Variants in TSPEAR observed in about 807,000 individuals in gnomAD.
The protein encoded by TSPEAR is thrombospondin-type laminin G domain and EAR repeat-containing protein.
Under a neutral mutation model 71.6 loss-of-function variants are expected in TSPEAR, and 69 were observed. The observed-to-expected ratio is 0.96, with a 90% CI of 0.79 to 1.18. The LOEUF is 1.18. Among genes scored for constraint, TSPEAR ranks in the 50% most tolerant of loss-of-function variants. The pLI, the probability that TSPEAR is intolerant of heterozygous loss-of-function variation, is 0.00. For missense variants in TSPEAR, 971 were observed against 894.9 expected (o/e 1.09, Z -1.09); for synonymous variants, 402 against 387.2 (o/e 1.04, Z -0.45).
chr21:44,539,259 CG>C, intron 2 of TSPEAR: 1 of 1,590,910 alleles, frequency 6.3e-7, no homozygotes, highest in East Asian at 2.2e-5. Context: ...TGGCCCAGGG[CG>C]GGTGCCCATC....
At chr21:44,601,077 G>A (rs781844967) in intron 1 of TSPEAR, 17 of 1,609,806 alleles carry the variant, frequency 1.1e-5, no homozygotes, top group East Asian at 4.5e-5. Context: ...CCCCCTGCCA[G>A]CAGGCCTGCT....
chr21:44,614,462 C>T (rs587653313), intron 1 of TSPEAR, among the ~76,000 whole-genome samples: 1 of 152,344 alleles, frequency 6.6e-6, no homozygotes, highest in Admixed American at 6.5e-5. Context: ...CTCTGCCATT[C>T]GTGAGTGACC....
intron 1 of TSPEAR, among the ~76,000 whole-genome samples, chr21:44,635,366 A>G (rs989264363): frequency 2.7e-4 from 40 of 148,084 alleles, no homozygotes; most frequent in Non-Finnish European, 4.5e-4. Flanking sequence ...AAAAAAAAAA[A>G]GAATGTTTAT....
chr21:44,522,646 A>G lies in TSPEAR; in HGVS notation c.1337-534T>C, dbSNP rs112334907. On this transcript the variant is annotated intron_variant, in intron 8 of 11. Transcript: ENST00000323084. Reference sequence around the variant, plus strand: ...CCGGCTCGTGGAGCTACACAATGGCAGGTACTCATGGTGGCCGCTCAGGGC... The same window carrying G: ...CCGGCTCGTGGAGCTACACAATGGCGGGTACTCATGGTGGCCGCTCAGGGC... Among the ~76,000 whole-genome samples the G allele has an allele frequency of 2.2e-3, 329 of 152,328 alleles. 4 individuals carry two copies. Among genetic ancestry groups the G allele is most frequent in the African/African-American group, 7.6e-3 (317 of 41,584 alleles).
intron 2 of TSPEAR, among the ~76,000 whole-genome samples, chr21:44,556,374 CA>C (rs200583415): frequency 1.4e-5 from 2 of 145,306 alleles, no homozygotes; most frequent in Non-Finnish European, 1.5e-5. Context: ...TACCCGCTCT[CA>C]AAAAAAAATA....
intron 1 of TSPEAR, among the ~76,000 whole-genome samples, chr21:44,628,869 G>A (rs1983078234): frequency 6.6e-6 from 1 of 152,180 alleles, no homozygotes; most frequent in Non-Finnish European, 1.5e-5. Flanking sequence ...CTCCAGCCCT[G>A]GGCTTGCCGC....
intron 1 of TSPEAR, chr21:44,574,153 A>G (rs1484295699): frequency 6.3e-7 from 1 of 1,580,878 alleles, no homozygotes; most frequent in Non-Finnish European, 8.6e-7. Context: ...TGCTGTGGGG[A>G]TTCTTCATGC....
intron 1 of TSPEAR, among the ~76,000 whole-genome samples, chr21:44,572,488 G>A (rs993825044): frequency 2.0e-4 from 31 of 152,080 alleles, no homozygotes; most frequent in African/African-American, 7.0e-4. Flanking sequence ...AGCAAAGGCT[G>A]CTGAGTGCCC....
chr21:44,554,626 C>A (rs587630661), intron 2 of TSPEAR, among the ~76,000 whole-genome samples: 1 of 152,218 alleles, frequency 6.6e-6, no homozygotes, highest in African/African-American at 2.4e-5. Context: ...TATTCTAATA[C>A]TTTACTGCAT....
rs782402510 is a variant in TSPEAR, at chr21:44,568,022, A to C, written c.83-17T>G. 2.3e-5 allele frequency: 35 copies of C among 1,501,420 alleles called. No individual in the cohort carries two copies. Among genetic ancestry groups the C allele is most frequent in the Non-Finnish European group, 3.1e-5 (35 of 1,120,500 alleles). The allele number at this position is 1,501,420 out of a possible 1,614,324, so 93.0% of individuals were successfully genotyped here. ...GGCGCAGGTCTGTGGCAAAGAAATC[A>C]CAGGTGGGTTAGGCCAGGACACCCC... On this transcript the variant is annotated splice_polypyrimidine_tract_variant and intron_variant, in intron 1 of 11. Coordinates refer to ENST00000323084, the MANE Select transcript of TSPEAR (RefSeq NM_144991.3).
intron 1 of TSPEAR, chr21:44,592,513 G>C (rs1394083154): frequency 4.4e-6 from 7 of 1,585,818 alleles, no homozygotes; most frequent in Non-Finnish European, 6.0e-6. Flanking sequence ...GAGGGTGAGG[G>C]AGTGAGCCTG....
intron 1 of TSPEAR, among the ~76,000 whole-genome samples, chr21:44,615,330 G>A (rs1399597877): frequency 9.9e-5 from 15 of 152,224 alleles, no homozygotes; most frequent in Admixed American, 8.5e-4. Flanking sequence ...CCCAGGCTGC[G>A]GAAGAGAGTC....
intron 1 of TSPEAR, among the ~76,000 whole-genome samples, chr21:44,581,532 G>GTC (rs1191653655): frequency 2.0e-5 from 3 of 152,042 alleles, no homozygotes; most frequent in Admixed American, 2.0e-4. Context: ...TTTATAGTTT[G>GTC]TCTCTCTCTC....
At position 44,510,336 on chromosome 21, in the gene TSPEAR, A is replaced by G. The variant is rs377199967; in HGVS notation, c.1567-950T>C. On this transcript the variant is annotated intron_variant, in intron 9 of 11. Coordinates refer to ENST00000323084, the MANE Select transcript of TSPEAR (RefSeq NM_144991.3). ...GCGGGGCTGTGTCTCTTCCTGACTC[A>G]CCCCCGTCCGGAGGGCCTTCTGCCT... Among the ~76,000 whole-genome samples, 9 of 151,836 alleles carry G rather than the reference A, an allele frequency of 5.9e-5. No homozygotes were observed. The East Asian group carries it at 1.4e-3, about 23-fold the overall frequency.
rs191753713 is a variant in TSPEAR at position 44,527,216 on chromosome 21, T to C, written c.1149+76A>G. The C allele has an allele frequency of 1.7e-3, 2,369 of 1,433,968 alleles. 6 individuals are homozygous for C. Among genetic ancestry groups the C allele is most frequent in the Non-Finnish European group, 2.1e-3 (2,107 of 1,024,158 alleles). The allele number at this position is 1,433,968 out of a possible 1,614,324, so 88.8% of individuals were successfully genotyped here. ...GAAACTCCTTTACCTGCAGAATCAG[T>C]GTAGGGGGCCCCGCCTGTGGACTCG... On this transcript the variant is annotated intron_variant, in intron 7 of 11. Transcript: ENST00000323084.
rs1441363276 is a variant in TSPEAR, at chr21:44,574,486, G to A, written c.83-6481C>T. 6.2e-6 allele frequency: 10 copies of A among 1,608,532 alleles called. No homozygotes were observed. In the Admixed American group the frequency reaches 1.0e-4, roughly 16 times the overall value. On this transcript the variant is annotated intron_variant, in intron 1 of 11. Transcript: ENST00000323084. ...AAGACTGTCTGCTGCAAGCCTGTGT[G>A]CTCTGAGGATTCCTCTTCATGCTGC...
intron 9 of TSPEAR, among the ~76,000 whole-genome samples, chr21:44,512,445 G>GAGAC (rs2052418142): frequency 6.6e-6 from 1 of 152,130 alleles, no homozygotes; most frequent in African/African-American, 2.4e-5. Flanking sequence ...CCTAGGGATG[G>GAGAC]AGACAGGGGC....
Position 44,507,884 on chromosome 21 carries a change from A to ACGGAGCCCACAGGCAGGTCACCC in TSPEAR, c.1754+1292_1754+1314dup, listed in dbSNP as rs587603785. ...ATGGCTGCCAGGCCACGCAGGGGCC[A>ACGGAGCCCACAGGCAGGTCACCC]CGGAGCCCACAGGCAGGTCACCCCG... is the stretch of plus-strand genomic sequence containing the variant. On this transcript the variant is annotated intron_variant, in intron 10 of 11. Transcript: ENST00000323084. 3.4e-3 allele frequency among the ~76,000 whole-genome samples: 524 copies of ACGGAGCCCACAGGCAGGTCACCC among 152,344 alleles called. 6 individuals are homozygous for ACGGAGCCCACAGGCAGGTCACCC. Among genetic ancestry groups the ACGGAGCCCACAGGCAGGTCACCC allele is most frequent in the African/African-American group, 0.012 (496 of 41,572 alleles).
chr21:44,638,036 CCCTCCTGCGGTGCCTCTGCCT>C (rs782288030), intron 1 of TSPEAR: 5 of 1,613,244 alleles, frequency 3.1e-6, no homozygotes, highest in African/African-American at 2.7e-5. Context: ...CGTGCCCGTC[CCCTCCTGCGGTGCCTCTGCCT>C]CCTCCTGCCA....
Sources: gnomAD v4.1 joint callset for allele counts (sites outside exome capture counted in the v4.1 genomes callset) on GRCh38, gnomAD v4.1.1 for gene constraint, MANE v1.5 for transcripts, NCBI Gene and HGNC (gene_info 2026-07-23, HGNC 2026-07-21) for gene names.